Variants in DPP6 observed in about 807,000 individuals in gnomAD.
DPP6 encodes A-type potassium channel modulatory protein DPP6.
In DPP6, 69 loss-of-function variants were observed where a neutral mutation model predicts 122.6. That is an observed-to-expected ratio of 0.56 (90% CI 0.46 to 0.69). The LOEUF is 0.69. Ranked by LOEUF, DPP6 falls within the 30% of genes least tolerant of loss-of-function variation. The pLI, the probability that DPP6 is intolerant of heterozygous loss-of-function variation, is 0.00. For synonymous variants in DPP6, 418 were observed against 433.1 expected (o/e 0.97, Z 0.43); for missense variants, 928 against 1,116.9 (o/e 0.83, Z 2.41).
intron 8 of DPP6, among the ~76,000 whole-genome samples, chr7:154,733,240 G>T (rs1346654693): frequency 6.6e-6 from 1 of 152,358 alleles, no homozygotes; most frequent in Admixed American, 6.5e-5. Flanking sequence ...CTGCTGGAGA[G>T]GGGTTTAGTG....
At position 154,146,353 on chromosome 7, in the gene DPP6, G is replaced by A. The variant is rs561783767; in HGVS notation, c.243+93290G>A. Among the ~76,000 whole-genome samples the A allele has an allele frequency of 3.4e-5, 4 of 117,156 alleles. 1 individual carries two copies. Among genetic ancestry groups the A allele is most frequent in the African/African-American group, 1.1e-4 (4 of 36,316 alleles). The allele number at this position is 117,156 out of a possible 152,430, so 76.9% of individuals were successfully genotyped here. The stretch of plus-strand genomic sequence containing the variant: ...ACCATGTCCTTTGGTTTTTTGTGAA[G>A]CCATCCCCCATTTCCTGGAACCAAA... On this transcript the variant is annotated intron_variant, in intron 1 of 25. Coordinates refer to ENST00000377770, the MANE Select transcript of DPP6 (RefSeq NM_130797.4).
At chr7:153,985,438 A>G (rs71530436) in intron 1 of DPP6, among the ~76,000 whole-genome samples, 2 of 152,228 alleles carry the variant, frequency 1.3e-5, no homozygotes, top group Non-Finnish European at 2.9e-5. Flanking sequence ...AAATTCTGTC[A>G]AGGACTAATG....
chr7:154,641,271 C>T (rs1215717787), intron 6 of DPP6, among the ~76,000 whole-genome samples: 2 of 152,158 alleles, frequency 1.3e-5, no homozygotes, highest in African/African-American at 4.8e-5. Flanking sequence ...GTTTGTTTGA[C>T]TTTGACATAC....
intron 6 of DPP6, among the ~76,000 whole-genome samples, chr7:154,653,129 G>A (rs1836989414): frequency 1.3e-5 from 2 of 152,204 alleles, no homozygotes; most frequent in Admixed American, 1.3e-4. Flanking sequence ...AAAGGCAGGA[G>A]GAAAAAGCCC....
chr7:154,323,563 C>T (rs1430832368), intron 1 of DPP6, among the ~76,000 whole-genome samples: 1 of 152,202 alleles, frequency 6.6e-6, no homozygotes, highest in Non-Finnish European at 1.5e-5. Flanking sequence ...GGTCCCCTAA[C>T]CATGAGGTTT....
At chr7:154,072,339 A>G (rs758074217) in intron 1 of DPP6, among the ~76,000 whole-genome samples, 1 of 151,974 alleles carries the variant, frequency 6.6e-6, no homozygotes, top group Non-Finnish European at 1.5e-5. Flanking sequence ...TAAACATCCT[A>G]TCCAGAGGTG....
At chr7:154,850,624 A>C (rs1454821134) in intron 16 of DPP6, among the ~76,000 whole-genome samples, 3 of 152,068 alleles carry the variant, frequency 2.0e-5, no homozygotes, top group African/African-American at 7.2e-5. Flanking sequence ...TTATTGATTC[A>C]ATCTTCTTAC....
At chr7:154,615,830 AC>A (rs1237190109) in intron 5 of DPP6, among the ~76,000 whole-genome samples, 4 of 152,078 alleles carry the variant, frequency 2.6e-5, no homozygotes, top group Admixed American at 2.0e-4. Flanking sequence ...CACTATCTAT[AC>A]ACAAAACTTT....
chr7:154,873,249 A>G (rs1385147759), intron 19 of DPP6, among the ~76,000 whole-genome samples: 1 of 152,240 alleles, frequency 6.6e-6, no homozygotes, highest in Admixed American at 6.5e-5. Context: ...ACTCAGTGCT[A>G]GGAGCCGGCC....
chr7:153,959,431 C>G (rs1018845814), intron 1 of DPP6, among the ~76,000 whole-genome samples: 2 of 152,230 alleles, frequency 1.3e-5, no homozygotes, highest in African/African-American at 4.8e-5. Context: ...GATATGACTT[C>G]TTGAGATGAT....
At position 153,889,685 on chromosome 7, in the gene DPP6, G is replaced by A. The variant is rs370232510; in HGVS notation, c.51+1951G>A. 7.2e-5 allele frequency among the ~76,000 whole-genome samples: 11 copies of A among 152,282 alleles called. No homozygotes were observed. In the South Asian group the frequency reaches 2.1e-3, roughly 29 times the overall value. On this transcript the variant is annotated intron_variant, in intron 1 of 25. Coordinates refer to the DPP6 transcript ENST00000404039. The stretch of plus-strand genomic sequence containing the variant: ...ATTTCTCTCTTCTGCTCTGAATAAG[G>A]ATATTCCATGTGATACTCATTGCAT...
At chr7:154,089,933 G>A (rs1178485819) in intron 1 of DPP6, among the ~76,000 whole-genome samples, 2 of 152,222 alleles carry the variant, frequency 1.3e-5, no homozygotes, top group Admixed American at 1.3e-4. Context: ...AGGTTCCAAT[G>A]CTGGCATAGG....
chr7:154,415,403 G>A (rs1223348781), intron 1 of DPP6, among the ~76,000 whole-genome samples: 1 of 152,134 alleles, frequency 6.6e-6, no homozygotes, highest in Non-Finnish European at 1.5e-5. Context: ...TTTGGCTAAA[G>A]TTAACTTGCC....
intron 2 of DPP6, among the ~76,000 whole-genome samples, chr7:154,451,276 C>A (rs1249615486): frequency 1.3e-5 from 2 of 149,536 alleles, no homozygotes; most frequent in African/African-American, 4.9e-5. Context: ...AGGAGAATGG[C>A]TTGAACCCAG....
chr7:154,202,525 C>A (rs1799225701), intron 1 of DPP6, among the ~76,000 whole-genome samples: 1 of 152,190 alleles, frequency 6.6e-6, no homozygotes, highest in African/African-American at 2.4e-5. Context: ...TCACCAAAAC[C>A]CTGTTAGTTT....
chr7:153,808,443 G>C, the DPP6 span, among the ~76,000 whole-genome samples: 7 of 150,166 alleles, frequency 4.7e-5, 1 homozygote, highest in African/African-American at 1.5e-4. Context: ...GTGTGTGTGC[G>C]TGTGTGTGTG....
chr7:154,092,281 G>A (rs1198251719), intron 1 of DPP6: 2 of 152,084 alleles, frequency 1.3e-5, no homozygotes, highest in African/African-American at 4.8e-5. Flanking sequence ...AGAGGCACAG[G>A]ACCGTGACCA....
the DPP6 span, among the ~76,000 whole-genome samples, chr7:153,799,435 GTGTT>G: frequency 1.3e-5 from 2 of 152,256 alleles, no homozygotes; most frequent in Non-Finnish European, 2.9e-5. Context: ...CATTTATTGA[GTGTT>G]TGTTGTGTGC....
chr7:154,331,350 A>G (rs751965354), intron 1 of DPP6, among the ~76,000 whole-genome samples: 3 of 152,218 alleles, frequency 2.0e-5, no homozygotes, highest in Admixed American at 6.5e-5. Context: ...CTGGCATGGT[A>G]CAAAAGGTCT....
Sources: gnomAD v4.1 joint callset for allele counts (sites outside exome capture counted in the v4.1 genomes callset) on GRCh38, gnomAD v4.1.1 for gene constraint, MANE v1.5 for transcripts, NCBI Gene and HGNC (gene_info 2026-07-23, HGNC 2026-07-21) for gene names.